CDH4: variants seen among roughly 807,000 people sequenced by gnomAD.
CDH4 encodes cadherin-4.
Under a neutral mutation model 86.0 loss-of-function variants are expected in CDH4, and 33 were observed. The ratio of observed to expected loss-of-function variants is 0.38; its 90% CI spans 0.29 to 0.51. The LOEUF (loss-of-function observed/expected upper bound fraction) is 0.51. Ranked by LOEUF, CDH4 falls within the 20% of genes least tolerant of loss-of-function variation. The pLI is 0.86. For synonymous variants in CDH4, 555 were observed against 549.4 expected, an observed-to-expected ratio of 1.01 and a Z score of -0.14; for missense variants, 1,114 against 1,307.4, an observed-to-expected ratio of 0.85 and a Z score of 2.28.
chr20:61,527,456 G>A (rs925421144), intron 2 of CDH4, among the ~76,000 whole-genome samples: 7 of 152,158 alleles, frequency 4.6e-5, no homozygotes, highest in Non-Finnish European at 1.5e-5. Context: ...CACCCTGATG[G>A]CTAGGCTGTC....
chr20:61,362,741 C>A (rs148599071), intron 2 of CDH4, among the ~76,000 whole-genome samples: 254 of 152,110 alleles, frequency 1.7e-3, no homozygotes, highest in African/African-American at 6.0e-3. Context: ...GGGCACTCCC[C>A]GAGACAGGGG....
Position 61,910,499 on chromosome 20 carries a change from C to T in CDH4, c.1266C>T (p.His422=). ...CGGTGATGGACCGAGATCAGCCCCA[C>T]TCTCCAAACTGGAATGCCGTTTACC... The part of the protein sequence containing the change: ...NLTVMDRDQP[H]SPNWNAVYRI... The change falls in exon 9 of 16, where the codon CAC becomes CAT. Residue 422 remains histidine (H), a synonymous_variant. Transcript: ENST00000614565. The T allele has an allele frequency of 6.2e-7, 1 of 1,614,046 alleles. No homozygotes were observed. The highest frequency in any genetic ancestry group is 8.5e-7 in the Non-Finnish European group (1 of 1,180,034).
chr20:61,520,069 C>A (rs11905748), intron 2 of CDH4, among the ~76,000 whole-genome samples: 1 of 152,140 alleles, frequency 6.6e-6, no homozygotes, highest in Non-Finnish European at 1.5e-5. Context: ...GATCTGCCTG[C>A]GGGTTTCTAC....
chr20:61,369,484 A>C (rs567929337), intron 2 of CDH4, among the ~76,000 whole-genome samples: 1 of 147,378 alleles, frequency 6.8e-6, no homozygotes, highest in African/African-American at 2.5e-5. Flanking sequence ...AAAGAATGAC[A>C]TCGTTGGGGC....
intron 2 of CDH4, among the ~76,000 whole-genome samples, chr20:61,481,139 C>T (rs1032678560): frequency 6.6e-6 from 1 of 152,208 alleles, no homozygotes; most frequent in African/African-American, 2.4e-5. Context: ...CTTTTCTCTA[C>T]ACATCTTGTT....
intron 2 of CDH4, among the ~76,000 whole-genome samples, chr20:61,329,675 T>TA (rs78527846): frequency 0.17 from 25,437 of 151,390 alleles, 2,538 homozygotes; most frequent in East Asian, 0.32. Flanking sequence ...ATTGTCACTT[T>TA]AAAAAAAAAA....
intron 4 of CDH4, among the ~76,000 whole-genome samples, chr20:61,780,108 T>C (rs576118739): frequency 4.8e-4 from 73 of 152,326 alleles, no homozygotes; most frequent in African/African-American, 1.8e-3. Flanking sequence ...ATGGCCTGAA[T>C]GCTCACCTTG....
At chr20:61,891,439 G>A (rs751306305) in intron 7 of CDH4, among the ~76,000 whole-genome samples, 4 of 152,154 alleles carry the variant, frequency 2.6e-5, no homozygotes, top group South Asian at 2.1e-4. Context: ...CACTCTCCCC[G>A]GCCCTGCAGG....
At chr20:61,397,109 C>T (rs566648408) in intron 2 of CDH4, among the ~76,000 whole-genome samples, 60 of 152,222 alleles carry the variant, frequency 3.9e-4, no homozygotes, top group African/African-American at 1.4e-3. Flanking sequence ...GGGGTTTTGC[C>T]GTGTTGCCCA....
intron 5 of CDH4, among the ~76,000 whole-genome samples, chr20:61,847,511 C>T (rs1188623459): frequency 6.6e-6 from 1 of 152,252 alleles, no homozygotes; most frequent in Non-Finnish European, 1.5e-5. Flanking sequence ...AGCGCCCCCA[C>T]CACCTCCTGC....
At chr20:61,441,649 G>A (rs1202072114) in intron 2 of CDH4, among the ~76,000 whole-genome samples, 4 of 152,206 alleles carry the variant, frequency 2.6e-5, no homozygotes, top group Admixed American at 2.6e-4. Context: ...CCAGAGAGCT[G>A]CCTGGCCCGT....
At chr20:61,863,199 T>C (rs1312718565) in intron 6 of CDH4, among the ~76,000 whole-genome samples, 1 of 152,256 alleles carries the variant, frequency 6.6e-6, no homozygotes, top group Non-Finnish European at 1.5e-5. Context: ...CAGCCTCCGC[T>C]GTCTCCCCCT....
rs1233174084 is a variant in CDH4, at chr20:61,544,467, AG to A, written c.170-199093del. The stretch of plus-strand genomic sequence containing the variant: ...GTGGTGGGAGCGCAGTGGGAGCCGC[AG>A]GGCATCGGGGTCTTCGAAGGAAAGC... On this transcript the variant is annotated intron_variant, in intron 2 of 15. Transcript: ENST00000614565. This position sits in a 1 kb window ranked among gnomAD's most constrained non-coding sequence, Gnocchi z 6.5. 6.6e-6 allele frequency among the ~76,000 whole-genome samples: 1 copy of A among 151,968 alleles called. No homozygotes were observed. The highest frequency in any genetic ancestry group is 2.4e-5 in the African/African-American group (1 of 41,438).
At chr20:61,883,923 T>C (rs1185910979) in intron 7 of CDH4, among the ~76,000 whole-genome samples, 1 of 151,956 alleles carries the variant, frequency 6.6e-6, no homozygotes, top group East Asian at 1.9e-4. Flanking sequence ...AGCAAGAGGG[T>C]CCCAGCATCC....
intron 2 of CDH4, among the ~76,000 whole-genome samples, chr20:61,260,055 A>G (rs2084120418): frequency 6.6e-6 from 1 of 152,188 alleles, no homozygotes; most frequent in Non-Finnish European, 1.5e-5. Context: ...GGTGAGAAAA[A>G]TAAGGTCAAA....
At chr20:61,593,025 GAGA>G (rs1250029984) in intron 2 of CDH4, among the ~76,000 whole-genome samples, 5 of 152,162 alleles carry the variant, frequency 3.3e-5, no homozygotes, top group Non-Finnish European at 7.3e-5. Context: ...GGTCAGGTCA[GAGA>G]AGAAGTGGCA....
chr20:61,862,258 C>G lies in CDH4; in HGVS notation c.877+9360C>G, dbSNP rs559476689. On this transcript the variant is annotated intron_variant, in intron 6 of 15. Transcript: ENST00000614565. The stretch of plus-strand genomic sequence containing the variant: ...GGGTTCCAGTTCTGAGCACAGAGAC[C>G]CCATCTCCTCCTTCACCCTTGCCGT... Among the ~76,000 whole-genome samples, 21 of 152,282 alleles carry G rather than the reference C, an allele frequency of 1.4e-4. 1 individual carries two copies. The South Asian group carries it at 4.3e-3, about 32-fold the overall frequency.
intron 2 of CDH4, among the ~76,000 whole-genome samples, chr20:61,712,676 A>T (rs1251745555): frequency 6.6e-6 from 1 of 152,182 alleles, no homozygotes; most frequent in African/African-American, 2.4e-5. Context: ...ACTCCAAGGG[A>T]CAGACCAAAG....
rs1286582742 is a variant in CDH4, at chr20:61,829,058, C to T, written c.577-15610C>T. Among the ~76,000 whole-genome samples, 1 of 152,232 alleles carries T rather than the reference C, an allele frequency of 6.6e-6. No individual in the cohort carries two copies. Among genetic ancestry groups the T allele is most frequent in the Non-Finnish European group, 1.5e-5 (1 of 68,046 alleles). ...GGAGGCGGAGCACTGGAGGCTCTGGCAGTCATGCTCGCCCGGCCACCACTC... is the reference window on the plus strand; with the variant it reads ...GGAGGCGGAGCACTGGAGGCTCTGGTAGTCATGCTCGCCCGGCCACCACTC... On this transcript the variant is annotated intron_variant, in intron 4 of 15. Coordinates refer to ENST00000614565, the MANE Select transcript of CDH4 (RefSeq NM_001794.5). The surrounding 1 kb of genome is among the most constrained non-coding windows in gnomAD (Gnocchi z 4.2).
Sources: gnomAD v4.1 joint callset for allele counts (sites outside exome capture counted in the v4.1 genomes callset) on GRCh38, gnomAD v4.1.1 for gene constraint, Gnocchi (gnomAD v3.1) non-coding constraint, MANE v1.5 for transcripts, NCBI Gene and HGNC (gene_info 2026-07-23, HGNC 2026-07-21) for gene names.